FANCG: variants seen among roughly 807,000 people sequenced by gnomAD.
The protein encoded by FANCG is Fanconi anemia group G protein.
Under a neutral mutation model 73.3 loss-of-function variants are expected in FANCG, and 67 were observed. The ratio of observed to expected loss-of-function variants is 0.91; its 90% CI spans 0.75 to 1.12. FANCG has a LOEUF of 1.12. Ranked by LOEUF, FANCG falls within the 50% of genes most tolerant of loss-of-function variation. The pLI, the probability that FANCG is intolerant of heterozygous loss-of-function variation, is 0.00. For missense variants in FANCG, 643 were observed against 735.6 expected, an observed-to-expected ratio of 0.87 and a Z score of 1.46; for synonymous variants, 297 against 311.6, an observed-to-expected ratio of 0.95 and a Z score of 0.49.
chr9:35,077,065 GC>G lies in FANCG; in HGVS notation c.682del (p.Ala228HisfsTer2). On this transcript the variant is annotated frameshift_variant, in exon 6 of 14. Transcript: ENST00000378643. LOFTEE classifies it high-confidence loss of function. ...QELITGNPDK[A>X]LSSLHEAASG... ...GGCCGCTTCATGAAGGCTGCTTAGT[GC>G]CTTGTCTGGGTTCCCTGTGATCAGC... 6.2e-7 allele frequency: 1 copy of G among 1,614,254 alleles called. No homozygotes were observed. Among genetic ancestry groups the G allele is most frequent in the South Asian group, 1.1e-5 (1 of 91,090 alleles).
At chr9:35,074,892 T>A (rs1166667400) in intron 12 of FANCG, 35 bp downstream of exon 12, 1 of 1,613,448 alleles carries the variant, frequency 6.2e-7, no homozygotes, top group Non-Finnish European at 8.5e-7. Flanking sequence ...TCCTTGCACA[T>A]CTATGCATAG....
In FANCG at chr9:35,079,448, T is replaced by C. The variant is rs200677800; in HGVS notation, c.77A>G (p.Gln26Arg). 1.1e-3 allele frequency: 1,753 copies of C among 1,614,120 alleles called. 33 individuals are homozygous for C. In the South Asian group the frequency reaches 0.018, roughly 16 times the overall value. Residue 26 changes from glutamine (Q) to arginine (R), a missense_variant, in exon 1 of 14, where the codon CAG (glutamine) becomes CGG (arginine). Physicochemically the swap from Gln to Arg is conservative, Grantham distance 43. Coordinates refer to ENST00000378643, the MANE Select transcript of FANCG (RefSeq NM_004629.2). Reference sequence around the variant, plus strand: ...TGCCAGCAACCGTGTTACCTTGGCCTGTCGAACGAGCCGGTCATTCTTTTC... The same window carrying C: ...TGCCAGCAACCGTGTTACCTTGGCCCGTCGAACGAGCCGGTCATTCTTTTC... Reference protein sequence around the residue: ...WREKNDRLVRQAKVAQNSGLT... With the variant: ...WREKNDRLVRRAKVAQNSGLT...
rs779439919 is a variant in FANCG at position 35,079,479 on chromosome 9, A to G, written c.46T>C (p.Trp16Arg). The G allele has an allele frequency of 1.2e-6, 2 of 1,613,854 alleles. No homozygotes were observed. The highest frequency in any genetic ancestry group is 1.7e-6 in the Non-Finnish European group (2 of 1,180,014). The change falls in exon 1 of 14, where the codon TGG becomes CGG. Residue 16 changes from tryptophan to arginine, a missense_variant. Coordinates refer to ENST00000378643, the MANE Select transcript of FANCG (RefSeq NM_004629.2). ...TSVGSSCLDL[W>R]REKNDRLVRQ... ...ACGAGCCGGTCATTCTTTTCCCTCC[A>G]CAGGTCCAGGCAGCTGGAGCCCACA...
In FANCG at chr9:35,078,746, C is replaced by T. The variant is rs376273679; in HGVS notation, c.176-10G>A. 4.3e-6 allele frequency: 7 copies of T among 1,614,132 alleles called. No individual in the cohort carries two copies. Among genetic ancestry groups the T allele is most frequent in the East Asian group, 2.2e-5 (1 of 44,880 alleles). Reference sequence around the variant, plus strand: ...ACAGCTGCAGGGAGCCCTGGAGCAACAATGTTGGTCTTACAGACTGCTCCC... The same window carrying T: ...ACAGCTGCAGGGAGCCCTGGAGCAATAATGTTGGTCTTACAGACTGCTCCC... On this transcript the variant is annotated splice_polypyrimidine_tract_variant and intron_variant, in intron 2 of 13. Coordinates refer to ENST00000378643, the MANE Select transcript of FANCG (RefSeq NM_004629.2).
Position 35,077,050 on chromosome 9 carries a change from T to C in FANCG, c.698A>G (p.His233Arg). ...GNPDKALSSL[H>R]EAASGLCPRP... ...TGGACACAGGCCTGAGGCCGCTTCA[T>C]GAAGGCTGCTTAGTGCCTTGTCTGG... Residue 233 changes from histidine (H) to arginine (R), a missense_variant, in exon 6 of 14, where the codon CAT (histidine) becomes CGT (arginine). By Grantham distance (29) the His-to-Arg change is conservative. Coordinates refer to ENST00000378643, the MANE Select transcript of FANCG (RefSeq NM_004629.2). The C allele has an allele frequency of 1.9e-6, 3 of 1,614,206 alleles. No homozygotes were observed. The highest frequency in any genetic ancestry group is 2.5e-6 in the Non-Finnish European group (3 of 1,180,034).
Position 35,073,876 on chromosome 9 carries a change from A to C in FANCG, c.*232T>G. On this transcript the variant is annotated 3_prime_UTR_variant, in exon 14 of 14. Coordinates refer to ENST00000378643, the MANE Select transcript of FANCG (RefSeq NM_004629.2). ...TTTACTCGACAACAGAAAAGGAGAAACAGGAAAAAAGGTGCCTCGAGCAAA... is the reference window on the plus strand; with the variant it reads ...TTTACTCGACAACAGAAAAGGAGAACCAGGAAAAAAGGTGCCTCGAGCAAA... 1.7e-6 allele frequency: 1 copy of C among 598,466 alleles called. No individual in the cohort carries two copies. Among genetic ancestry groups the C allele is most frequent in the Non-Finnish European group, 3.0e-6 (1 of 336,172 alleles). The allele number at this position is 598,466 out of a possible 1,614,324, so 37.1% of individuals were successfully genotyped here.
At position 35,079,713 on chromosome 9, in the gene FANCG, G is replaced by A; in HGVS notation, c.-189C>T. 1.6e-6 allele frequency: 1 copy of A among 634,406 alleles called. No homozygotes were observed. The allele number at this position is 634,406 out of a possible 1,614,324, so 39.3% of individuals were successfully genotyped here. On this transcript the variant is annotated 5_prime_UTR_variant, in exon 1 of 14. Transcript: ENST00000378643. The stretch of plus-strand genomic sequence containing the variant: ...ACAGATGGGACGCTCTCTCCCCGCG[G>A]CCCGCCGGGCTCTCAACCTCGCCTC...
At position 35,075,468 on chromosome 9, in the gene FANCG, C is replaced by A. The variant is rs766157946; in HGVS notation, c.1430G>T (p.Ser477Ile). Residue 477 changes from serine to isoleucine, a missense_variant, in exon 10 of 14, where the codon AGC becomes ATC. Physicochemically the swap from Ser to Ile is moderately radical, Grantham distance 142. Coordinates refer to ENST00000378643, the MANE Select transcript of FANCG (RefSeq NM_004629.2). ...CCCTCTAGGACCCCGGGCTCACCTG[C>A]TAAATTCACTAATTGCCACTTTTTG... The part of the protein sequence containing the change: ...GAQKVAISEF[S>I]RCLELLFRAT... 6.2e-7 allele frequency: 1 copy of A among 1,614,150 alleles called. No homozygotes were observed.
rs776146510 is a variant in FANCG, at chr9:35,075,319, G to C, written c.1440C>G (p.Leu480=). The change falls in exon 11 of 14, where the codon CTC becomes CTG. Residue 480 remains leucine (L), a synonymous_variant. Coordinates refer to ENST00000378643, the MANE Select transcript of FANCG (RefSeq NM_004629.2). ...KVAISEFSRC[L]ELLFRATPEE... is the part of the protein sequence containing the mutation. ...CAGGTGTGGCCCGGAAGAGCAGCTC[G>C]AGGCACCTGAAGTAGGACACAGAAC... 7 of 1,613,982 alleles carry C rather than the reference G, an allele frequency of 4.3e-6. No homozygotes were observed. The South Asian group carries it at 4.4e-5, about 10-fold the overall frequency.
At position 35,077,001 on chromosome 9, in the gene FANCG, G is replaced by A. The variant is rs1043957; in HGVS notation, c.747C>T (p.Tyr249=). The A allele has an allele frequency of 5.6e-6, 9 of 1,614,234 alleles. No individual in the cohort carries two copies. Among genetic ancestry groups the A allele is most frequent in the Admixed American group, 1.7e-5 (1 of 60,034 alleles). The change falls in exon 6 of 14, where the codon TAC becomes TAT. Residue 249 remains tyrosine, a synonymous_variant. Coordinates refer to ENST00000378643, the MANE Select transcript of FANCG (RefSeq NM_004629.2). The part of the protein sequence containing the change: ...LCPRPVLVQV[Y]TALGSCHRKM... ...TACGGTGACAGGACCCCAGTGCTGT[G>A]TACACCTGGACCAACACAGGCCGTG...
chr9:35,074,205 A>C lies in FANCG; in HGVS notation c.1772T>G (p.Leu591Arg). Residue 591 changes from leucine (L) to arginine (R), a missense_variant, in exon 14 of 14, where the codon CTG becomes CGG. By Grantham distance (102) the Leu-to-Arg change is moderately radical. Transcript: ENST00000378643. Reference protein sequence around the residue: ...SHEDALWSLPLYLESYLSWIR... With the variant: ...SHEDALWSLPRYLESYLSWIR... The stretch of plus-strand genomic sequence containing the variant: ...CCAGCTCAAATAGCTTTCTAGGTAC[A>C]GGGGGAGAGACCTGGAGAGAAAGAA... 1.2e-6 allele frequency: 2 copies of C among 1,614,096 alleles called. No homozygotes were observed. The highest frequency in any genetic ancestry group is 1.7e-6 in the Non-Finnish European group (2 of 1,179,940).
rs920110478 is a variant in FANCG, at chr9:35,077,083, G to A, written c.665C>T (p.Thr222Ile). 5 of 1,614,082 alleles carry A rather than the reference G, an allele frequency of 3.1e-6. No homozygotes were observed. The Admixed American group carries it at 6.7e-5, about 22-fold the overall frequency. Residue 222 changes from threonine (T) to isoleucine (I), a missense_variant, in exon 6 of 14, where the codon ACA becomes ATA. By Grantham distance (89) the Thr-to-Ile change is moderately conservative. Coordinates refer to ENST00000378643, the MANE Select transcript of FANCG (RefSeq NM_004629.2). ...GCTTAGTGCCTTGTCTGGGTTCCCT[G>A]TGATCAGCTCCTGGAGACCTGAGGA... The part of the protein sequence containing the change: ...AYRQGLQELI[T>I]GNPDKALSSL...
intron 12 of FANCG, 51 bp from the exon 13 acceptor site, chr9:35,074,545 G>C: frequency 6.2e-7 from 1 of 1,612,790 alleles, no homozygotes; most frequent in South Asian, 1.1e-5. Context: ...ATAGTCTTAG[G>C]CATTGTTTTA....
intron 12 of FANCG, 108 bp downstream of exon 12, chr9:35,074,819 C>A: frequency 1.4e-6 from 2 of 1,385,238 alleles, no homozygotes; most frequent in Non-Finnish European, 2.1e-6. Context: ...ACCCCAATCA[C>A]CCCTCCTGTC....
In FANCG at chr9:35,077,063, GT is replaced by G. The variant is rs1478768927; in HGVS notation, c.684del (p.Leu229Ter). ...GAGGCCGCTTCATGAAGGCTGCTTAGTGCCTTGTCTGGGTTCCCTGTGATCA... is the reference window on the plus strand; with the variant it reads ...GAGGCCGCTTCATGAAGGCTGCTTAGGCCTTGTCTGGGTTCCCTGTGATCA... Reference protein sequence around the residue: ...QELITGNPDKALSSLHEAASG... With the variant: ...QELITGNPDKXLSSLHEAASG... On this transcript the variant is annotated frameshift_variant, in exon 6 of 14. Coordinates refer to ENST00000378643, the MANE Select transcript of FANCG (RefSeq NM_004629.2). LOFTEE classifies it high-confidence loss of function. 1 of 1,614,122 alleles carries G rather than the reference GT, an allele frequency of 6.2e-7. No homozygotes were observed. The highest frequency in any genetic ancestry group is 1.3e-5 in the African/African-American group (1 of 74,938).
intron 10 of FANCG, 45 bp downstream of exon 10, chr9:35,075,420 T>A (rs948298405): frequency 2.0e-5 from 33 of 1,613,762 alleles, no homozygotes; most frequent in Non-Finnish European, 2.8e-5. Context: ...CAGGTCCCAA[T>A]CAGAAAATCA....
At chr9:35,078,875 TAA>T (rs1829133117) in intron 2 of FANCG, 139 bp from the exon 3 acceptor site, 1 of 1,250,408 alleles carries the variant, frequency 8.0e-7, no homozygotes, top group African/African-American at 1.5e-5. Context: ...GCTAAGGATT[TAA>T]AAAAAGAACC....
At chr9:35,079,304 G>C in intron 1 of FANCG, 63 bp from the exon 2 acceptor site, 1 of 1,541,076 alleles carries the variant, frequency 6.5e-7, no homozygotes, top group Non-Finnish European at 9.0e-7. Flanking sequence ...TGCAGCAGTG[G>C]CAAGGGATGC....
chr9:35,076,103 CT>C, intron 8 of FANCG, 75 bp from the exon 9 acceptor site: 2 of 1,400,302 alleles, frequency 1.4e-6, no homozygotes, highest in Non-Finnish European at 2.0e-6. Flanking sequence ...AATGTTCTCT[CT>C]TAGCTAACAG....
Sources: allele counts gnomAD v4.1 joint callset, GRCh38; gene constraint gnomAD v4.1.1; transcripts MANE v1.5; gene names NCBI Gene and HGNC (gene_info 2026-07-23, HGNC 2026-07-21).